The following CNTN5 variants were observed in gnomAD, a reference collection of about 807,000 sequenced individuals.
CNTN5 encodes the protein contactin 5.
Under a neutral mutation model 129.1 loss-of-function variants are expected in CNTN5, and 77 were observed. The ratio of observed to expected loss-of-function variants is 0.60; its 90% CI spans 0.50 to 0.72. The LOEUF is 0.72. Ranked by LOEUF, CNTN5 falls within the 30% of genes least tolerant of loss-of-function variation. The pLI is 0.00. For synonymous variants in CNTN5, 509 were observed against 465.6 expected (o/e 1.09, Z -1.20); for missense variants, 1,478 against 1,328.8 (o/e 1.11, Z -1.75).
intron 13 of CNTN5, among the ~76,000 whole-genome samples, chr11:100,137,441 T>C (rs1202511873): frequency 1.3e-5 from 2 of 152,134 alleles, no homozygotes; most frequent in Admixed American, 1.3e-4. Context: ...ATAGGAACTC[T>C]CATGGGGAAG....
intron 2 of CNTN5, among the ~76,000 whole-genome samples, chr11:99,424,882 G>T (rs1355354958): frequency 6.6e-6 from 1 of 152,226 alleles, no homozygotes; most frequent in Admixed American, 6.5e-5. Context: ...CAACTGGAGG[G>T]TGAGCAAGGC....
chr11:99,530,518 T>C (rs1281403100), intron 2 of CNTN5, among the ~76,000 whole-genome samples: 1 of 152,222 alleles, frequency 6.6e-6, no homozygotes, highest in Non-Finnish European at 1.5e-5. Flanking sequence ...CTGAACCTCA[T>C]GGATCTTACA....
chr11:99,832,474 C>T (rs1947173069), intron 4 of CNTN5, among the ~76,000 whole-genome samples: 1 of 152,192 alleles, frequency 6.6e-6, no homozygotes, highest in Non-Finnish European at 1.5e-5. Flanking sequence ...AAATGCTACA[C>T]TACCCATGAA....
intron 3 of CNTN5, among the ~76,000 whole-genome samples, chr11:99,561,935 G>C (rs1948857140): frequency 6.6e-6 from 1 of 152,170 alleles, no homozygotes; most frequent in African/African-American, 2.4e-5. Context: ...GAATATAACT[G>C]CTGGAGATCA....
At chr11:99,915,759 T>C (rs1260239417) in intron 6 of CNTN5, among the ~76,000 whole-genome samples, 1 of 152,124 alleles carries the variant, frequency 6.6e-6, no homozygotes, top group Admixed American at 6.6e-5. Context: ...GGAAATATTA[T>C]AAAAAATGAC....
chr11:99,665,128 A>G (rs952994006), intron 3 of CNTN5, among the ~76,000 whole-genome samples: 1 of 152,226 alleles, frequency 6.6e-6, no homozygotes, highest in Non-Finnish European at 1.5e-5. Context: ...TGTGAATAAT[A>G]GGAAGAAAAC....
intron 1 of CNTN5, among the ~76,000 whole-genome samples, chr11:99,128,452 C>A (rs1858756697): frequency 6.8e-6 from 1 of 146,618 alleles, no homozygotes; most frequent in African/African-American, 2.5e-5. Flanking sequence ...TGAATTCCAG[C>A]AATTCCAGCC....
chr11:100,336,791 G>C (rs2139002842), intron 21 of CNTN5: 1 of 344,562 alleles, frequency 2.9e-6, no homozygotes, highest in Non-Finnish European at 5.4e-6. Context: ...TCCGGATTCT[G>C]AGGTGTTCTG....
intron 9 of CNTN5, among the ~76,000 whole-genome samples, chr11:100,007,312 C>T (rs536997038): frequency 6.6e-6 from 1 of 152,134 alleles, no homozygotes; most frequent in Non-Finnish European, 1.5e-5. Context: ...GTTAGCCTGT[C>T]CTTTGAAGTT....
intron 3 of CNTN5, among the ~76,000 whole-genome samples, chr11:99,792,075 G>C (rs1305752542): frequency 6.6e-6 from 1 of 151,982 alleles, no homozygotes; most frequent in African/African-American, 2.4e-5. Flanking sequence ...TTTCCTGTCA[G>C]GATGCGTTTT....
At chr11:99,177,283 T>G (rs1035556554) in intron 1 of CNTN5, among the ~76,000 whole-genome samples, 6 of 152,040 alleles carry the variant, frequency 3.9e-5, no homozygotes, top group Non-Finnish European at 8.8e-5. Flanking sequence ...AATATGCTAT[T>G]TATTTATTTG....
chr11:99,806,816 C>A (rs1281406655), intron 3 of CNTN5, among the ~76,000 whole-genome samples: 293 of 128,584 alleles, frequency 2.3e-3, no homozygotes, highest in African/African-American at 2.4e-3. Flanking sequence ...CCACCCCCTG[C>A]AAAAAAAAAA....
chr11:100,151,153 A>T (rs1947039841), intron 13 of CNTN5, among the ~76,000 whole-genome samples: 1 of 152,016 alleles, frequency 6.6e-6, no homozygotes, highest in African/African-American at 2.4e-5. Context: ...TGACTAAGAC[A>T]TCCATTTTAT....
chr11:99,056,122 C>A (rs1274334202), intron 1 of CNTN5, among the ~76,000 whole-genome samples: 1 of 151,826 alleles, frequency 6.6e-6, no homozygotes, highest in East Asian at 1.9e-4. Flanking sequence ...TCAATATTCT[C>A]TTTTCTTATT....
At chr11:99,867,175 T>C (rs1458630958) in intron 6 of CNTN5, among the ~76,000 whole-genome samples, 2 of 152,212 alleles carry the variant, frequency 1.3e-5, no homozygotes, top group African/African-American at 2.4e-5. Flanking sequence ...CATCTTGCAG[T>C]CAAGATCACT....
intron 2 of CNTN5, among the ~76,000 whole-genome samples, chr11:99,500,168 G>A (rs537121580): frequency 2.2e-4 from 34 of 152,214 alleles, no homozygotes; most frequent in East Asian, 1.7e-3. Context: ...TTAGGCTGGC[G>A]CAAAAGTAAT....
intron 1 of CNTN5, among the ~76,000 whole-genome samples, chr11:99,079,055 C>T (rs1445474017): frequency 1.3e-5 from 2 of 151,962 alleles, no homozygotes; most frequent in African/African-American, 4.8e-5. Flanking sequence ...ATTGAATATA[C>T]CCTTTAAATA....
chr11:99,236,864 T>C (rs1035656196), intron 1 of CNTN5, among the ~76,000 whole-genome samples: 16 of 152,310 alleles, frequency 1.1e-4, no homozygotes, highest in African/African-American at 3.8e-4. Flanking sequence ...CAGTTTGCTC[T>C]CGGAGTCTGC....
At chr11:99,199,816 G>A (rs1859079668) in intron 1 of CNTN5, among the ~76,000 whole-genome samples, 1 of 152,202 alleles carries the variant, frequency 6.6e-6, no homozygotes, top group Non-Finnish European at 1.5e-5. Context: ...AAGTCACACA[G>A]CAAAGGATGT....
Sources: gnomAD v4.1 joint callset for allele counts (sites outside exome capture counted in the v4.1 genomes callset) on GRCh38, gnomAD v4.1.1 for gene constraint, MANE v1.5 for transcripts, NCBI Gene and HGNC (gene_info 2026-07-23, HGNC 2026-07-21) for gene names.